Variants in CCDC85A observed in about 807,000 individuals in gnomAD.
CCDC85A encodes the protein coiled-coil domain containing 85A.
In CCDC85A, 38 loss-of-function variants were observed where a neutral mutation model predicts 50.2. The ratio of observed to expected loss-of-function variants is 0.76; its 90% confidence interval spans 0.58 to 0.99. The LOEUF (loss-of-function observed/expected upper bound fraction) is 0.99, where lower values mean the gene tolerates loss of function less well. CCDC85A is among the 50% of genes least tolerant of loss of function. CCDC85A has a pLI of 0.00. For missense variants in CCDC85A, 820 were observed against 742.0 expected (o/e 1.11, Z -1.22); for synonymous variants, 366 against 301.4 (o/e 1.21, Z -2.22).
chr2:56,313,709 A>G (rs1465713166), intron 2 of CCDC85A, among the ~76,000 whole-genome samples: 1 of 152,098 alleles, frequency 6.6e-6, no homozygotes, highest in Non-Finnish European at 1.5e-5. Flanking sequence ...GTTGCCATGG[A>G]TACTTGCTGT....
At chr2:56,206,626 C>G (rs1455224243) in intron 2 of CCDC85A, among the ~76,000 whole-genome samples, 1 of 152,100 alleles carries the variant, frequency 6.6e-6, no homozygotes, top group African/African-American at 2.4e-5. Context: ...CAATATTAAT[C>G]CATTCATGAA....
intron 3 of CCDC85A, among the ~76,000 whole-genome samples, chr2:56,354,551 T>A (rs888169699): frequency 3.3e-5 from 5 of 152,198 alleles, no homozygotes; most frequent in African/African-American, 1.2e-4. Context: ...CTGGTTGACA[T>A]CATGAAAGAA....
At chr2:56,189,847 G>C (rs1324700384) in intron 1 of CCDC85A, among the ~76,000 whole-genome samples, 1 of 152,220 alleles carries the variant, frequency 6.6e-6, no homozygotes, top group Non-Finnish European at 1.5e-5. Context: ...TAGTGGGTGA[G>C]GGGAAGGAGT....
chr2:56,200,657 A>C (rs1676695404), intron 2 of CCDC85A, among the ~76,000 whole-genome samples: 2 of 152,300 alleles, frequency 1.3e-5, no homozygotes, highest in South Asian at 4.1e-4. Context: ...TGTTTTTGAA[A>C]AGGGAAAATG....
At chr2:56,277,918 A>G (rs1276791348) in intron 2 of CCDC85A, among the ~76,000 whole-genome samples, 1 of 152,226 alleles carries the variant, frequency 6.6e-6, no homozygotes, top group Non-Finnish European at 1.5e-5. Flanking sequence ...GACGTATTGG[A>G]CCAACAGAGC....
At chr2:56,366,016 T>G (rs1675774487) in intron 3 of CCDC85A, among the ~76,000 whole-genome samples, 1 of 152,174 alleles carries the variant, frequency 6.6e-6, no homozygotes, top group Admixed American at 6.6e-5. Context: ...AGTATTTATC[T>G]TTCTGTGCCT....
At chr2:56,298,043 C>G (rs1436787445) in intron 2 of CCDC85A, among the ~76,000 whole-genome samples, 1 of 152,182 alleles carries the variant, frequency 6.6e-6, no homozygotes, top group Non-Finnish European at 1.5e-5. Context: ...TTTATAAGGT[C>G]ATGCCCCAGG....
intron 2 of CCDC85A, among the ~76,000 whole-genome samples, chr2:56,216,988 A>G: frequency 6.6e-6 from 1 of 151,886 alleles, no homozygotes; most frequent in East Asian, 1.9e-4. Context: ...GTGTTGCCTT[A>G]GCATTTAGCC....
chr2:56,356,544 G>C (rs1237574609), intron 3 of CCDC85A, among the ~76,000 whole-genome samples: 1 of 152,102 alleles, frequency 6.6e-6, no homozygotes, highest in African/African-American at 2.4e-5. Context: ...GACCAGCCTA[G>C]CCAACATGGT....
intron 2 of CCDC85A, among the ~76,000 whole-genome samples, chr2:56,269,205 A>AG (rs1670589203): frequency 6.6e-6 from 1 of 152,162 alleles, no homozygotes; most frequent in African/African-American, 2.4e-5. Flanking sequence ...TAGGACCCAT[A>AG]GCAATAACTT....
At chr2:56,270,326 A>G (rs1670643875) in intron 2 of CCDC85A, among the ~76,000 whole-genome samples, 1 of 152,222 alleles carries the variant, frequency 6.6e-6, no homozygotes, top group African/African-American at 2.4e-5. Context: ...AATATGCTAG[A>G]TATCTTTGAA....
chr2:56,276,261 T>G (rs1427991851), intron 2 of CCDC85A, among the ~76,000 whole-genome samples: 8 of 120,554 alleles, frequency 6.6e-5, no homozygotes. Flanking sequence ...AGAAACATAT[T>G]TTTGAGTGCT....
chr2:56,263,385 C>T (rs1454711819), intron 2 of CCDC85A, among the ~76,000 whole-genome samples: 1 of 152,124 alleles, frequency 6.6e-6, no homozygotes, highest in African/African-American at 2.4e-5. Flanking sequence ...TACTTTTTGC[C>T]TTGTGCTCCC....
intron 2 of CCDC85A, among the ~76,000 whole-genome samples, chr2:56,238,688 C>T (rs572919342): frequency 9.2e-5 from 14 of 152,234 alleles, no homozygotes; most frequent in African/African-American, 3.1e-4. Context: ...TTCCCATGGT[C>T]ACTGAGATTC....
chr2:56,267,802 A>C (rs1670519742), intron 2 of CCDC85A, among the ~76,000 whole-genome samples: 1 of 152,200 alleles, frequency 6.6e-6, no homozygotes, highest in Non-Finnish European at 1.5e-5. Flanking sequence ...AAACTAGCTA[A>C]AATCTAACTA....
chr2:56,268,203 T>G (rs1670535337), intron 2 of CCDC85A, among the ~76,000 whole-genome samples: 1 of 152,202 alleles, frequency 6.6e-6, no homozygotes, highest in Non-Finnish European at 1.5e-5. Context: ...TAAGAATCAA[T>G]TATCTTATGG....
chr2:56,320,448 T>C (rs1397400598), intron 2 of CCDC85A, among the ~76,000 whole-genome samples: 2 of 151,870 alleles, frequency 1.3e-5, no homozygotes, highest in South Asian at 2.1e-4. Flanking sequence ...TAAAAAATGA[T>C]AAAGGGGATA....
intron 2 of CCDC85A, among the ~76,000 whole-genome samples, chr2:56,220,001 G>A (rs898994147): frequency 6.6e-6 from 1 of 151,952 alleles, no homozygotes; most frequent in African/African-American, 2.4e-5. Context: ...AACCATATGG[G>A]GAAGAGGGAG....
At chr2:56,378,146 A>G (rs559397569) in intron 5 of CCDC85A, among the ~76,000 whole-genome samples, 56 of 152,292 alleles carry the variant, frequency 3.7e-4, no homozygotes, top group African/African-American at 1.1e-3. Context: ...AATTATGGCC[A>G]CTTGACATGT....
Sources: gnomAD v4.1 joint callset for allele counts (sites outside exome capture counted in the v4.1 genomes callset) on GRCh38, gnomAD v4.1.1 for gene constraint, MANE v1.5 for transcripts, NCBI Gene and HGNC (gene_info 2026-07-23, HGNC 2026-07-21) for gene names.